Variants in SPON1 observed in about 807,000 individuals in gnomAD.
SPON1 encodes spondin 1, also known as spondin-1.
A neutral mutation model predicts 111.7 loss-of-function variants in SPON1; 52 were observed. The observed-to-expected ratio is 0.47, with a 90% confidence interval of 0.37 to 0.59. The LOEUF (loss-of-function observed/expected upper bound fraction) is 0.59. Ranked by LOEUF, SPON1 falls within the 20% of genes least tolerant of loss-of-function variation. The pLI is 0.00. For missense variants in SPON1, 957 were observed against 1,068.5 expected (o/e 0.90, Z 1.46); for synonymous variants, 410 against 395.8 (o/e 1.04, Z -0.43).
intron 6 of SPON1, among the ~76,000 whole-genome samples, chr11:14,205,101 T>C (rs1377842551): frequency 2.0e-5 from 3 of 152,228 alleles, no homozygotes; most frequent in Non-Finnish European, 2.9e-5. Context: ...TTCCGTTCCA[T>C]TTGCCTGGAA....
intron 6 of SPON1, among the ~76,000 whole-genome samples, chr11:14,137,698 C>T (rs782134884): frequency 2.6e-5 from 4 of 152,136 alleles, no homozygotes; most frequent in Non-Finnish European, 4.4e-5. Context: ...TTGAGAATCT[C>T]AAGATGGCAG....
intron 6 of SPON1, among the ~76,000 whole-genome samples, chr11:14,210,373 C>CTTTTTTTTTT (rs79378171): frequency 7.5e-6 from 1 of 133,734 alleles, no homozygotes; most frequent in Non-Finnish European, 1.6e-5. Context: ...TTTCTTTTTC[C>CTTTTTTTTTT]TTTTTTTTTT....
rs1393095783 is a variant in SPON1 at position 14,075,441 on chromosome 11, G to C, written c.553+23G>C. ...AAGGTAAGACCCTGTGGGTGGGGAG[G>C]GGGAGGGGCAGAGACATGGAAGGCA... On this transcript the variant is annotated intron_variant, in intron 4 of 15. Transcript: ENST00000576479. 19 of 1,518,050 alleles carry C rather than the reference G, an allele frequency of 1.3e-5. No individual in the cohort carries two copies. In the Admixed American group the frequency reaches 3.3e-4, roughly 27 times the overall value. 94.0% of individuals were successfully genotyped at this position (1,518,050 alleles called of 1,614,324 possible). A position where few individuals can be genotyped will look rare whatever the true frequency, so the allele number is the denominator to read the frequency against.
At position 14,255,782 on chromosome 11, in the gene SPON1, C is replaced by G. The variant is rs1176838105; in HGVS notation, c.1228C>G (p.Arg410Gly). 2 of 1,613,618 alleles carry G rather than the reference C, an allele frequency of 1.2e-6. No homozygotes were observed. Among genetic ancestry groups the G allele is most frequent in the Non-Finnish European group, 1.7e-6 (2 of 1,179,818 alleles). The part of the protein sequence containing the change: ...VARVVIERIA[R>G]KGEQCNIVPD... Reference sequence around the variant, plus strand: ...CAGAGTTGTCATCGAGAGAATCGCACGGAAGGTACTGGGTTAGAACCCACT... The same window carrying G: ...CAGAGTTGTCATCGAGAGAATCGCAGGGAAGGTACTGGGTTAGAACCCACT... The change falls in exon 9 of 16, where the codon CGG (arginine) becomes GGG (glycine). Residue 410 changes from arginine to glycine, a missense_variant. Arg to Gly is a moderately radical substitution (Grantham distance 125). Transcript: ENST00000576479.
In SPON1 at chr11:14,266,038, T is replaced by C. The variant is rs1554942462; in HGVS notation, c.*351T>C. On this transcript the variant is annotated 3_prime_UTR_variant, in exon 16 of 16. Transcript: ENST00000576479. ...AACCATGTCTGGAAGTGACTATGCC[T>C]GAGTCCCAGGGTGCGGCAGGTAGGA... 2 of 198,076 alleles carry C rather than the reference T, an allele frequency of 1.0e-5. No individual in the cohort carries two copies. The highest frequency in any genetic ancestry group is 2.1e-5 in the Non-Finnish European group (2 of 96,112). 12.3% of individuals were successfully genotyped at this position (198,076 alleles called of 1,614,324 possible). A position where few individuals can be genotyped will look rare whatever the true frequency, so the allele number is the denominator to read the frequency against.
At chr11:14,041,843 A>T (rs1848633959) in intron 3 of SPON1, among the ~76,000 whole-genome samples, 189 bp downstream of exon 3, 1 of 152,192 alleles carries the variant, frequency 6.6e-6, no homozygotes, top group Non-Finnish European at 1.5e-5. Flanking sequence ...ATTTGCTAGA[A>T]TCTCTATTTT....
chr11:14,178,819 G>A (rs879951245), intron 6 of SPON1, among the ~76,000 whole-genome samples: 7 of 151,622 alleles, frequency 4.6e-5, no homozygotes, highest in Non-Finnish European at 7.4e-5. Flanking sequence ...GGTAAGTGTC[G>A]GATTCATTTT....
chr11:14,256,802 AATCATATCTCTGAGGATTTCT>A, intron 10 of SPON1, 110 bp downstream of exon 10: 3 of 807,698 alleles, frequency 3.7e-6, no homozygotes, highest in Non-Finnish European at 6.1e-6. Context: ...TTGACTTGGT[AATCATATCTCTGAGGATTTCT>A]CCTCAAGAAA....
intron 5 of SPON1, among the ~76,000 whole-genome samples, chr11:14,103,480 G>A (rs1259282935): frequency 6.6e-6 from 1 of 152,176 alleles, no homozygotes; most frequent in Non-Finnish European, 1.5e-5. Context: ...TGTCAAGGAG[G>A]GGAAATGAGA....
chr11:13,977,224 G>T (rs1591337927), intron 1 of SPON1, among the ~76,000 whole-genome samples: 1 of 152,162 alleles, frequency 6.6e-6, no homozygotes, highest in African/African-American at 2.4e-5. Flanking sequence ...TGGTATTGCT[G>T]GGTGATAGGG....
In SPON1 at chr11:14,093,009, G is replaced by A. The variant is rs150187656; in HGVS notation, c.676+12988G>A. 1.7e-3 allele frequency among the ~76,000 whole-genome samples: 253 copies of A among 152,282 alleles called. 3 individuals are homozygous for A. Among genetic ancestry groups the A allele is most frequent in the African/African-American group, 5.6e-3 (232 of 41,560 alleles). Reference sequence around the variant, plus strand: ...AAGCATCTTTTAATAAGGCCCTGCTGTACTAACATGAACTCAACTGGTACC... The same window carrying A: ...AAGCATCTTTTAATAAGGCCCTGCTATACTAACATGAACTCAACTGGTACC... On this transcript the variant is annotated intron_variant, in intron 5 of 15. Transcript: ENST00000576479.
intron 5 of SPON1, among the ~76,000 whole-genome samples, chr11:14,089,375 C>T (rs1554923040): frequency 1.3e-5 from 2 of 152,134 alleles, no homozygotes; most frequent in African/African-American, 4.8e-5. Flanking sequence ...AGTTTTCCTT[C>T]TAACAGTCAG....
At chr11:13,964,616 G>C (rs1372799403) in intron 1 of SPON1, among the ~76,000 whole-genome samples, 1 of 152,102 alleles carries the variant, frequency 6.6e-6, no homozygotes, top group African/African-American at 2.4e-5. Context: ...GTCTGACCCC[G>C]GCGCGCAGCT....
chr11:13,981,707 T>A (rs1353332367), intron 1 of SPON1, among the ~76,000 whole-genome samples: 1 of 152,218 alleles, frequency 6.6e-6, no homozygotes, highest in East Asian at 1.9e-4. Context: ...CCAGCTGCTG[T>A]AACAGGTGGC....
In SPON1 at chr11:14,255,936, C is replaced by G. The variant is rs571127627; in HGVS notation, c.1233+149C>G. 1.9e-3 allele frequency: 1,540 copies of G among 827,476 alleles called. 2 individuals are homozygous for G. Among genetic ancestry groups the G allele is most frequent in the Admixed American group, 2.5e-3 (81 of 32,124 alleles). 51.3% of individuals were successfully genotyped at this position (827,476 alleles called of 1,614,324 possible). On this transcript the variant is annotated intron_variant, in intron 9 of 15. Coordinates refer to ENST00000576479, the MANE Select transcript of SPON1 (RefSeq NM_006108.4). ...TGGGCCTCCCCAGGTTTCTAACATG[C>G]AAATTATTTCATAAGATGAAAATAA... is the stretch of plus-strand genomic sequence containing the variant.
At chr11:13,986,674 A>G (rs1250701118) in intron 2 of SPON1, among the ~76,000 whole-genome samples, 1 of 151,590 alleles carries the variant, frequency 6.6e-6, no homozygotes, top group Non-Finnish European at 1.5e-5. Flanking sequence ...TAAACCCGTC[A>G]CCTACATTAG....
At chr11:14,256,219 T>C (rs1849105450) in intron 9 of SPON1, among the ~76,000 whole-genome samples, 2 of 151,820 alleles carry the variant, frequency 1.3e-5, no homozygotes, top group Non-Finnish European at 2.9e-5. Flanking sequence ...TGCGCTCCAG[T>C]CTGGGTGACA....
chr11:14,148,496 C>G (rs1174016205), intron 6 of SPON1, among the ~76,000 whole-genome samples: 3 of 152,054 alleles, frequency 2.0e-5, no homozygotes, highest in Non-Finnish European at 4.4e-5. Flanking sequence ...AGCCAACCAA[C>G]CAACAAACAC....
chr11:14,255,623 C>G, intron 8 of SPON1, 24 bp from the exon 9 acceptor site: 1 of 1,611,156 alleles, frequency 6.2e-7, no homozygotes, highest in East Asian at 2.2e-5. Context: ...TTCTTACTCT[C>G]TACCTCTGTA....
Sources: allele counts gnomAD v4.1 joint callset (sites outside exome capture counted in the v4.1 genomes callset), GRCh38; gene constraint gnomAD v4.1.1; transcripts MANE v1.5; gene names NCBI Gene and HGNC (gene_info 2026-07-23, HGNC 2026-07-21).